The following ADGRV1 variants were observed in gnomAD, a reference collection of about 807,000 sequenced individuals.
The protein encoded by ADGRV1 is adhesion G protein-coupled receptor V1.
In ADGRV1, 359 loss-of-function variants were observed where a neutral mutation model predicts 596.2. The observed-to-expected ratio is 0.60, with a 90% CI of 0.55 to 0.66. ADGRV1 has a LOEUF of 0.66. ADGRV1 is among the 30% of genes least tolerant of loss of function. ADGRV1 has a pLI of 0.00. For synonymous variants in ADGRV1, 2,681 were observed against 2,679.2 expected (o/e 1.00, Z -0.02); for missense variants, 7,274 against 7,575.6 (o/e 0.96, Z 1.48).
chr5:91,112,734 C>T (rs577811649), intron 87 of ADGRV1, among the ~76,000 whole-genome samples: 15 of 152,128 alleles, frequency 9.9e-5, no homozygotes, highest in South Asian at 6.2e-4. Flanking sequence ...CATTTTGTAA[C>T]GTTCAGCCAT....
chr5:91,053,562 T>G (rs1292594854), intron 85 of ADGRV1, among the ~76,000 whole-genome samples: 1 of 150,602 alleles, frequency 6.6e-6, no homozygotes, highest in African/African-American at 2.4e-5. Flanking sequence ...TGAGCGTTTC[T>G]TTTCTTTGCC....
rs760813999 is a variant in ADGRV1, at chr5:90,823,573, A to G, written c.16345A>G (p.Ser5449Gly). ...CTMGQTKCFI[S>G]IELKPEKVPQ... is the part of the protein sequence containing the mutation. ...AATGGGTCAAACAAAATGCTTTATC[A>G]GCATTGAACTCAAACCAGAAAAGGT... The change falls in exon 76 of 90, where the codon AGC becomes GGC. Residue 5449 changes from serine (S) to glycine (G), a missense_variant. Transcript: ENST00000405460. 1.9e-6 allele frequency: 3 copies of G among 1,613,938 alleles called. No individual in the cohort carries two copies. Among genetic ancestry groups the G allele is most frequent in the Non-Finnish European group, 2.5e-6 (3 of 1,179,840 alleles).
chr5:90,574,947 T>G (rs1330353227), intron 1 of ADGRV1, among the ~76,000 whole-genome samples: 1 of 152,180 alleles, frequency 6.6e-6, no homozygotes, highest in African/African-American at 2.4e-5. Flanking sequence ...CTTTTGTCAT[T>G]TCAGATTGTG....
chr5:90,763,066 CA>C (rs1263123110), intron 58 of ADGRV1: 2 of 400,812 alleles, frequency 5.0e-6, no homozygotes, highest in Non-Finnish European at 9.0e-6. Context: ...TTCTCTGGGT[CA>C]GAATTCAGTC....
At chr5:91,087,458 G>A (rs1256774043) in intron 86 of ADGRV1, among the ~76,000 whole-genome samples, 2 of 145,644 alleles carry the variant, frequency 1.4e-5, no homozygotes, top group South Asian at 4.3e-4. Flanking sequence ...CACTGTGCCC[G>A]GCTAATTTTT....
Position 90,674,137 on chromosome 5 carries a change from A to G in ADGRV1, c.5013A>G (p.Gly1671=), listed in dbSNP as rs766066488. The part of the protein sequence containing the change: ...FRVTLVSAIP[G]DGKLGSTPTS... Reference sequence around the variant, plus strand: ...TGACATTGGTTTCTGCAATTCCTGGAGATGGGAAGCTAGGCTCAACTCCTA... The same window carrying G: ...TGACATTGGTTTCTGCAATTCCTGGGGATGGGAAGCTAGGCTCAACTCCTA... The change falls in exon 23 of 90, where the codon GGA becomes GGG. Residue 1671 remains glycine, a synonymous_variant. Coordinates refer to ENST00000405460, the MANE Select transcript of ADGRV1 (RefSeq NM_032119.4). 6.2e-7 allele frequency: 1 copy of G among 1,613,524 alleles called. No individual in the cohort carries two copies. Among genetic ancestry groups the G allele is most frequent in the Non-Finnish European group, 8.5e-7 (1 of 1,179,622 alleles).
intron 85 of ADGRV1, among the ~76,000 whole-genome samples, chr5:91,025,329 A>G (rs1292916582): frequency 2.1e-5 from 3 of 143,728 alleles, no homozygotes; most frequent in Non-Finnish European, 3.1e-5. Flanking sequence ...GCCTAAGGGC[A>G]AAAGGAAGAT....
intron 1 of ADGRV1, among the ~76,000 whole-genome samples, chr5:90,590,695 C>T (rs905857287): frequency 6.6e-6 from 1 of 152,164 alleles, no homozygotes; most frequent in African/African-American, 2.4e-5. Context: ...AAGTGAGGAG[C>T]ACTAAAGAAT....
chr5:90,991,070 G>T (rs945640428), intron 85 of ADGRV1, among the ~76,000 whole-genome samples: 1 of 152,192 alleles, frequency 6.6e-6, no homozygotes, highest in Non-Finnish European at 1.5e-5. Flanking sequence ...CCAGTTATGT[G>T]AATATTGATA....
At chr5:90,572,244 G>C (rs902832316) in intron 1 of ADGRV1, among the ~76,000 whole-genome samples, 1 of 152,144 alleles carries the variant, frequency 6.6e-6, no homozygotes, top group African/African-American at 2.4e-5. Flanking sequence ...ATAAGCTCTT[G>C]TTTTGGGTAG....
At chr5:91,067,900 G>T (rs558306906) in intron 85 of ADGRV1, among the ~76,000 whole-genome samples, 17 of 152,256 alleles carry the variant, frequency 1.1e-4, no homozygotes, top group African/African-American at 3.9e-4. Context: ...TTTAGTGCAG[G>T]AGTGTGTTCA....
intron 36 of ADGRV1, 145 bp downstream of exon 36, chr5:90,704,633 A>G: frequency 1.8e-6 from 1 of 543,884 alleles, no homozygotes; most frequent in Admixed American, 3.4e-5. Context: ...GTTAGATCAA[A>G]AAAAATTAGC....
intron 87 of ADGRV1, among the ~76,000 whole-genome samples, chr5:91,142,818 A>G (rs1795206163): frequency 6.6e-6 from 1 of 152,262 alleles, no homozygotes; most frequent in East Asian, 1.9e-4. Flanking sequence ...ATCAAAAGAA[A>G]TACAGAATTG....
chr5:90,619,597 T>C (rs956876527), intron 4 of ADGRV1, among the ~76,000 whole-genome samples: 5 of 152,208 alleles, frequency 3.3e-5, no homozygotes, highest in African/African-American at 7.2e-5. Context: ...TACTTTTCTT[T>C]TTTTTTAATT....
intron 85 of ADGRV1, among the ~76,000 whole-genome samples, chr5:91,066,922 T>C (rs1787932280): frequency 6.6e-6 from 1 of 152,038 alleles, no homozygotes; most frequent in Admixed American, 6.6e-5. Context: ...GAGCAAGCCC[T>C]CCTCCTTAAC....
intron 86 of ADGRV1, among the ~76,000 whole-genome samples, chr5:91,093,786 G>T (rs1251889624): frequency 6.6e-6 from 1 of 151,732 alleles, no homozygotes; most frequent in African/African-American, 2.4e-5. Context: ...GATCATATAT[G>T]AAAATACATA....
At position 90,745,757 on chromosome 5, in the gene ADGRV1, T is replaced by C. The variant is rs13171868; in HGVS notation, c.10936T>C (p.Ser3646Pro). 6.1e-3 allele frequency: 9,805 copies of C among 1,611,356 alleles called. 37 individuals are homozygous for C. The highest frequency in any genetic ancestry group is 7.3e-3 in the Non-Finnish European group (8,586 of 1,178,238). Residue 3646 changes from serine to proline, a missense_variant, in exon 52 of 90, where the codon TCT (serine) becomes CCT (proline). Physicochemically the swap from Ser to Pro is moderately conservative, Grantham distance 74 (BLOSUM62 -1). This residue lies in a region of ADGRV1 where 3,643 missense variants were observed against 3,809.2 expected (regional missense o/e 0.96). Transcript: ENST00000405460. ...INDSVTITILSNDDAYGIVAF... is the reference protein window; with the variant it reads ...INDSVTITILPNDDAYGIVAF... The stretch of plus-strand genomic sequence containing the variant: ...TGATTCTGTAACAATAACCATTCTG[T>C]CTAATGATGATGCCTATGGAATTGT...
In ADGRV1 at chr5:90,652,562, A is replaced by C; in HGVS notation, c.3633A>C (p.Ser1211=). 6.3e-7 allele frequency: 1 copy of C among 1,577,386 alleles called. No individual in the cohort carries two copies. The highest frequency in any genetic ancestry group is 8.7e-7 in the Non-Finnish European group (1 of 1,151,538). ...ATTTCCTAAAACTTGTAAACATTTC[A>C]GGTACTGTGTTTTTCCATGTCTTAT... ...EFYFLKLVNI[S]GGSPGPGGQL... The change falls in exon 19 of 90, where the codon TCA becomes TCC. Residue 1211 remains serine, a splice_region_variant and synonymous_variant. Transcript: ENST00000405460.
chr5:90,882,113 A>G (rs1245757857), intron 83 of ADGRV1, among the ~76,000 whole-genome samples: 1 of 152,232 alleles, frequency 6.6e-6, no homozygotes, highest in Non-Finnish European at 1.5e-5. Flanking sequence ...ATTTCCTCAC[A>G]GATGTAAAGA....
Sources: allele counts gnomAD v4.1 joint callset (sites outside exome capture counted in the v4.1 genomes callset), GRCh38; gene constraint gnomAD v4.1.1; regional missense constraint gnomAD v4.1.1; transcripts MANE v1.5; gene names NCBI Gene and HGNC (gene_info 2026-07-23, HGNC 2026-07-21).